FGGY: variants seen among roughly 807,000 people sequenced by gnomAD.
FGGY encodes FGGY carbohydrate kinase domain containing.
FGGY carries 72 observed loss-of-function variants against 71.3 expected under a neutral mutation model. The ratio of observed to expected loss-of-function variants is 1.01; its 90% CI spans 0.84 to 1.23. FGGY has a LOEUF of 1.23. Ranked by LOEUF, FGGY falls within the 50% of genes most tolerant of loss-of-function variation. The probability of loss-of-function intolerance (pLI) is 0.00; values close to 1 mark genes in which losing one functional copy is unlikely to be tolerated. For synonymous variants in FGGY, 251 were observed against 250.3 expected, an observed-to-expected ratio of 1.00 and a Z score of -0.02; for missense variants, 668 against 682.3, an observed-to-expected ratio of 0.98 and a Z score of 0.23.
intron 5 of FGGY, among the ~76,000 whole-genome samples, chr1:59,430,951 A>G (rs980036466): frequency 7.2e-5 from 11 of 152,072 alleles, no homozygotes; most frequent in African/African-American, 2.4e-4. Flanking sequence ...TGTGTTTTCT[A>G]TCATGGTAAA....
At position 59,579,376 on chromosome 1, in the gene FGGY, A is replaced by G. The variant is rs116094442; in HGVS notation, c.903+25149A>G. 2.3e-3 allele frequency among the ~76,000 whole-genome samples: 346 copies of G among 152,174 alleles called. 1 individual carries two copies. The highest frequency in any genetic ancestry group is 6.9e-3 in the African/African-American group (287 of 41,498). The stretch of plus-strand genomic sequence containing the variant: ...TCTGTAGAGTATGACCTCCAAACAT[A>G]TATCTCCAGCCTGACCCTGATATCC... On this transcript the variant is annotated intron_variant, in intron 8 of 15. Transcript: ENST00000303721.
At chr1:59,720,404 C>T (rs1050232712) in intron 14 of FGGY, among the ~76,000 whole-genome samples, 6 of 152,198 alleles carry the variant, frequency 3.9e-5, no homozygotes, top group African/African-American at 9.7e-5. Flanking sequence ...ATTACAGACT[C>T]GGTTGTGCCT....
chr1:59,647,430 TG>T (rs112312998), intron 11 of FGGY, among the ~76,000 whole-genome samples: 3 of 152,308 alleles, frequency 2.0e-5, no homozygotes, highest in African/African-American at 7.2e-5. Context: ...CCATCATTTT[TG>T]CTTGCTATAA....
chr1:59,645,896 G>C (rs2097089890), intron 11 of FGGY, among the ~76,000 whole-genome samples: 2 of 152,218 alleles, frequency 1.3e-5, no homozygotes, highest in Non-Finnish European at 2.9e-5. Context: ...GAAGAGCTGT[G>C]ACTTCTAACA....
chr1:59,357,920 G>A (rs548660704), intron 4 of FGGY, among the ~76,000 whole-genome samples: 63 of 152,328 alleles, frequency 4.1e-4, no homozygotes, highest in African/African-American at 1.4e-3. Context: ...AGAGAGGTAC[G>A]AGGAAGGATT....
intron 14 of FGGY, among the ~76,000 whole-genome samples, chr1:59,700,344 A>G (rs1247095445): frequency 1.3e-5 from 2 of 152,204 alleles, no homozygotes; most frequent in African/African-American, 2.4e-5. Context: ...GATGTTTTTT[A>G]TATGCCAAGC....
At chr1:59,421,502 CCT>C (rs2065421595) in intron 5 of FGGY, among the ~76,000 whole-genome samples, 2 of 146,748 alleles carry the variant, frequency 1.4e-5, no homozygotes, top group African/African-American at 2.6e-5. Context: ...TCCCTCTCCC[CCT>C]CTCTCCCTCT....
chr1:59,542,636 A>G (rs1436154961), intron 7 of FGGY, among the ~76,000 whole-genome samples: 3 of 151,448 alleles, frequency 2.0e-5, no homozygotes, highest in Admixed American at 6.6e-5. Flanking sequence ...TTGTATTTTT[A>G]GTAGAGATGG....
chr1:59,724,562 T>C (rs1171007392), intron 14 of FGGY, among the ~76,000 whole-genome samples: 1 of 152,170 alleles, frequency 6.6e-6, no homozygotes, highest in Admixed American at 6.5e-5. Context: ...CGATCACTGA[T>C]CTTTTTATTG....
intron 4 of FGGY, among the ~76,000 whole-genome samples, chr1:59,377,797 G>C (rs891816671): frequency 6.6e-6 from 1 of 152,144 alleles, no homozygotes; most frequent in Non-Finnish European, 1.5e-5. Flanking sequence ...ACAGGGTGGT[G>C]GGTGAGGAAT....
intron 6 of FGGY, among the ~76,000 whole-genome samples, chr1:59,491,145 TTC>T (rs2093847191): frequency 7.6e-6 from 1 of 131,152 alleles, no homozygotes; most frequent in Non-Finnish European, 1.6e-5. Flanking sequence ...CTTCCTTCCT[TTC>T]TCTCTTTCTC....
intron 7 of FGGY, among the ~76,000 whole-genome samples, chr1:59,523,050 G>C (rs1316686760): frequency 3.3e-5 from 5 of 152,178 alleles, no homozygotes; most frequent in Non-Finnish European, 7.4e-5. Context: ...TAGCTGAGCT[G>C]TTATTTTCCT....
chr1:59,663,532 G>A (rs930020716), intron 12 of FGGY, among the ~76,000 whole-genome samples: 2 of 152,166 alleles, frequency 1.3e-5, no homozygotes, highest in African/African-American at 2.4e-5. Flanking sequence ...AAAAAAGCCA[G>A]CTACATTTTC....
chr1:59,595,600 G>A (rs531446465), intron 8 of FGGY, among the ~76,000 whole-genome samples: 1 of 152,274 alleles, frequency 6.6e-6, no homozygotes, highest in Non-Finnish European at 1.5e-5. Flanking sequence ...TGAGGCAGAA[G>A]AATCCTTTGA....
chr1:59,657,788 A>G (rs566813415), intron 11 of FGGY, among the ~76,000 whole-genome samples: 12 of 152,300 alleles, frequency 7.9e-5, no homozygotes, highest in Non-Finnish European at 1.8e-4. Context: ...CTTTTACCCT[A>G]TTCTCATAAA....
At chr1:59,319,874 G>C (rs1057002134) in intron 1 of FGGY, among the ~76,000 whole-genome samples, 3 of 152,192 alleles carry the variant, frequency 2.0e-5, no homozygotes, top group African/African-American at 4.8e-5. Context: ...GGGACTGCTG[G>C]GGGGAAGGGC....
rs752359576 is a variant in FGGY, at chr1:59,674,149, G to A, written c.1512+16G>A. 3.7e-6 allele frequency: 6 copies of A among 1,608,360 alleles called. No individual in the cohort carries two copies. Among genetic ancestry groups the A allele is most frequent in the Non-Finnish European group, 5.1e-6 (6 of 1,176,020 alleles). On this transcript the variant is annotated intron_variant, in intron 14 of 15. Coordinates refer to ENST00000303721, the MANE Select transcript of FGGY (RefSeq NM_018291.5). ...TTCTGTACAGGTATGTGAAGACCAG[G>A]GGGTGGGCTGTGGCTCCTCCCCTGT...
intron 15 of FGGY, among the ~76,000 whole-genome samples, chr1:59,758,265 G>A (rs986916730): frequency 1.3e-5 from 2 of 152,286 alleles, no homozygotes; most frequent in East Asian, 1.9e-4. Flanking sequence ...GCTCTTCTCT[G>A]TTCTAAAGTA....
chr1:59,511,437 T>C (rs10889142), intron 6 of FGGY, among the ~76,000 whole-genome samples: 41,242 of 151,998 alleles, frequency 0.27, 5,978 homozygotes, highest in Middle Eastern at 0.34. Flanking sequence ...AGAAATACTA[T>C]AGAATCCTTG....
Sources: allele counts gnomAD v4.1 joint callset (sites outside exome capture counted in the v4.1 genomes callset), GRCh38; gene constraint gnomAD v4.1.1; transcripts MANE v1.5; gene names NCBI Gene and HGNC (gene_info 2026-07-23, HGNC 2026-07-21).